GSTA2: variants seen among roughly 807,000 people sequenced by gnomAD.
GSTA2 encodes glutathione S-transferase alpha 2.
GSTA2 carries 27 observed loss-of-function variants against 22.4 expected under a neutral mutation model. The ratio of observed to expected loss-of-function variants is 1.21; its 90% confidence interval spans 0.89 to 1.67. GSTA2 has a LOEUF of 1.67. Among genes scored for constraint, GSTA2 ranks in the 40% most tolerant of loss-of-function variants. The pLI is 0.00. For synonymous variants in GSTA2, 121 were observed against 86.8 expected (o/e 1.39, Z -2.19); for missense variants, 302 against 260.2 (o/e 1.16, Z -1.11).
At chr6:52,750,796 ACCAAGTGAGTCGCTT>A in intron 6 of GSTA2, 97 bp from the exon 7 acceptor site, 1 of 1,484,434 alleles carries the variant, frequency 6.7e-7, no homozygotes, top group Non-Finnish European at 9.1e-7. Flanking sequence ...CCTGCCAAAG[ACCAAGTGAGTCGCTT>A]CCACTTGGGT....
intron 4 of GSTA2, among the ~76,000 whole-genome samples, chr6:52,754,428 T>G (rs73740522): frequency 6.6e-6 from 1 of 152,298 alleles, no homozygotes; most frequent in South Asian, 2.1e-4. Context: ...GTAACTCCAG[T>G]ATCCTTGGTG....
chr6:52,759,945 T>G (rs185636712), intron 1 of GSTA2, among the ~76,000 whole-genome samples: 22 of 152,336 alleles, frequency 1.4e-4, no homozygotes, highest in Non-Finnish European at 4.4e-5. Flanking sequence ...ATCTTTTAAA[T>G]GTCTACATTT....
chr6:52,761,397 TC>T (rs1333422820), intron 1 of GSTA2, among the ~76,000 whole-genome samples: 3 of 152,200 alleles, frequency 2.0e-5, no homozygotes, highest in Non-Finnish European at 4.4e-5. Context: ...TATGTATCTA[TC>T]TCTCTGTAAT....
At chr6:52,762,344 T>C (rs182598441) in intron 1 of GSTA2, among the ~76,000 whole-genome samples, 1 of 152,316 alleles carries the variant, frequency 6.6e-6, no homozygotes, top group Non-Finnish European at 1.5e-5. Flanking sequence ...CCCTGGGCAA[T>C]GGAATGTCTT....
In GSTA2 at chr6:52,751,545, T is replaced by G. The variant is rs367902718; in HGVS notation, c.546+32A>C. On this transcript the variant is annotated intron_variant, in intron 6 of 6. Coordinates refer to ENST00000493422, the MANE Select transcript of GSTA2 (RefSeq NM_000846.5). ...AAGATCCCAAGATGGGAGATGTGGG[T>G]CTGCCTCTCTGAAGACTGTGAAATG... 218 of 1,613,512 alleles carry G rather than the reference T, an allele frequency of 1.4e-4. 1 individual carries two copies. The Middle Eastern group carries it at 2.5e-3, about 18-fold the overall frequency.
intron 3 of GSTA2, among the ~76,000 whole-genome samples, chr6:52,755,561 T>A (rs1055194883): frequency 6.6e-6 from 1 of 152,200 alleles, no homozygotes; most frequent in African/African-American, 2.4e-5. Flanking sequence ...TCTTAAGAAG[T>A]TTCCTTTTAG....
intron 5 of GSTA2, 110 bp from the exon 6 acceptor site, chr6:52,751,818 C>G: frequency 6.7e-7 from 1 of 1,490,552 alleles, no homozygotes; most frequent in South Asian, 1.2e-5. Context: ...TGCCTTACTG[C>G]ATGGATGCAG....
intron 1 of GSTA2, among the ~76,000 whole-genome samples, chr6:52,759,569 T>G (rs112282660): frequency 1.0e-3 from 44 of 44,160 alleles, no homozygotes; most frequent in African/African-American, 4.2e-3. Context: ...ATTTGTTTTT[T>G]TTTTTTTTTT....
At chr6:52,756,769 C>G (rs1447076429) in intron 2 of GSTA2, among the ~76,000 whole-genome samples, 1 of 152,268 alleles carries the variant, frequency 6.6e-6, no homozygotes, top group Non-Finnish European at 1.5e-5. Flanking sequence ...TATCGCCCCA[C>G]TTCTCAGGAA....
chr6:52,750,743 G>A (rs933716345), intron 6 of GSTA2, 44 bp from the exon 7 acceptor site: 1 of 1,605,976 alleles, frequency 6.2e-7, no homozygotes, highest in African/African-American at 1.3e-5. Context: ...ACAAGTCAAG[G>A]GCTGACACCC....
intron 4 of GSTA2, among the ~76,000 whole-genome samples, chr6:52,754,454 C>T (rs1762802967): frequency 2.0e-5 from 3 of 152,256 alleles, no homozygotes; most frequent in Admixed American, 6.5e-5. Context: ...CTCTACTAGC[C>T]CTGCTCAAGT....
rs1762774219 is a variant in GSTA2 at position 52,753,006 on chromosome 6, A to G, written c.273-11T>C. 1 of 1,582,354 alleles carries G rather than the reference A, an allele frequency of 6.3e-7. No homozygotes were observed. The highest frequency in any genetic ancestry group is 8.6e-7 in the Non-Finnish European group (1 of 1,165,312). ...ATATACATATCAATCCTGAAAGACA[A>G]AAACAACCAAATGGTCAAATATCTT... On this transcript the variant is annotated splice_polypyrimidine_tract_variant and intron_variant, in intron 4 of 6. Transcript: ENST00000493422.
intron 1 of GSTA2, among the ~76,000 whole-genome samples, chr6:52,758,586 G>A (rs764909782): frequency 2.6e-5 from 4 of 152,166 alleles, no homozygotes; most frequent in Non-Finnish European, 4.4e-5. Context: ...CCGGCTGGGA[G>A]CTAAATCACT....
At chr6:52,759,287 T>A (rs1762906727) in intron 1 of GSTA2, among the ~76,000 whole-genome samples, 1 of 152,168 alleles carries the variant, frequency 6.6e-6, no homozygotes, top group Non-Finnish European at 1.5e-5. Context: ...CCTTGCTCTA[T>A]GCCAGGCTGT....
intron 1 of GSTA2, among the ~76,000 whole-genome samples, chr6:52,761,095 C>T (rs1222517232): frequency 6.6e-6 from 1 of 152,010 alleles, no homozygotes; most frequent in African/African-American, 2.4e-5. Context: ...ATCTCTGAGC[C>T]TCAATTTTCT....
chr6:52,752,745 C>T (rs1280275083), intron 5 of GSTA2, 109 bp downstream of exon 5: 7 of 1,392,018 alleles, frequency 5.0e-6, no homozygotes, highest in African/African-American at 1.4e-5. Context: ...GCATTGGTGT[C>T]CAGGAAGTAT....
At position 52,762,951 on chromosome 6, in the gene GSTA2, A is replaced by G. The variant is rs193027164; in HGVS notation, c.-31+493T>C. ...AGAGACAGAATATGACTTGTCGTCG[A>G]GCTAATTAGTGGCAGAGGCTCAACT... On this transcript the variant is annotated intron_variant, in intron 1 of 6. Coordinates refer to ENST00000493422, the MANE Select transcript of GSTA2 (RefSeq NM_000846.5). Among the ~76,000 whole-genome samples the G allele has an allele frequency of 2.2e-4, 34 of 152,316 alleles. No homozygotes were observed. The East Asian group carries it at 4.8e-3, about 22-fold the overall frequency.
intron 2 of GSTA2, 55 bp from the exon 3 acceptor site, chr6:52,756,364 T>C: frequency 2.3e-6 from 3 of 1,327,180 alleles, no homozygotes; most frequent in Non-Finnish European, 3.3e-6. Context: ...TATAGACCTG[T>C]GAAATTGAAT....
chr6:52,760,824 GCCTT>G (rs1762939093), intron 1 of GSTA2, among the ~76,000 whole-genome samples: 1 of 152,162 alleles, frequency 6.6e-6, no homozygotes, highest in Non-Finnish European at 1.5e-5. Context: ...ATAAAAGTGT[GCCTT>G]TCTCTACTTT....
Sources: gnomAD v4.1 joint callset for allele counts (sites outside exome capture counted in the v4.1 genomes callset) on GRCh38, gnomAD v4.1.1 for gene constraint, MANE v1.5 for transcripts, NCBI Gene and HGNC (gene_info 2026-07-23, HGNC 2026-07-21) for gene names.